GFRA1: variants seen among roughly 807,000 people sequenced by gnomAD.
GFRA1 encodes GDNF family receptor alpha-1.
GFRA1 carries 16 observed loss-of-function variants against 51.6 expected under a neutral mutation model. That is an observed-to-expected ratio of 0.31 (90% CI 0.21 to 0.47). GFRA1 has a LOEUF of 0.47. Ranked by LOEUF, GFRA1 falls within the 20% of genes least tolerant of loss-of-function variation. The pLI is 1.00. For missense variants in GFRA1, 530 were observed against 594.3 expected, an observed-to-expected ratio of 0.89 and a Z score of 1.13; for synonymous variants, 270 against 241.3, an observed-to-expected ratio of 1.12 and a Z score of -1.10.
At chr10:116,198,212 T>C (rs1213448585) in intron 5 of GFRA1, among the ~76,000 whole-genome samples, 1 of 150,074 alleles carries the variant, frequency 6.7e-6, no homozygotes, top group Non-Finnish European at 1.5e-5. Flanking sequence ...TACAGGTGGT[T>C]TCCTGATGCA....
At chr10:116,086,504 A>T (rs1311741229) in intron 9 of GFRA1, among the ~76,000 whole-genome samples, 1 of 152,228 alleles carries the variant, frequency 6.6e-6, no homozygotes. Context: ...CATACTGGTG[A>T]GGACAAGAGC....
intron 9 of GFRA1, among the ~76,000 whole-genome samples, chr10:116,087,465 T>A (rs907125899): frequency 6.6e-6 from 1 of 152,220 alleles, no homozygotes; most frequent in African/African-American, 2.4e-5. Flanking sequence ...AAGGCAACTT[T>A]TGTTTTTGAA....
chr10:116,109,520 G>A (rs900893950), intron 6 of GFRA1, among the ~76,000 whole-genome samples: 7 of 152,234 alleles, frequency 4.6e-5, no homozygotes, highest in African/African-American at 1.7e-4. Context: ...ACAGCTAGGA[G>A]GGGAAATCAT....
chr10:116,122,753 T>C (rs1373070212), intron 6 of GFRA1, among the ~76,000 whole-genome samples: 1 of 152,066 alleles, frequency 6.6e-6, no homozygotes, highest in Admixed American at 6.5e-5. Context: ...AAGGAAAGGC[T>C]CCATCACCAC....
intron 5 of GFRA1, among the ~76,000 whole-genome samples, chr10:116,188,135 G>A (rs1446067372): frequency 6.6e-6 from 1 of 152,118 alleles, no homozygotes; most frequent in Non-Finnish European, 1.5e-5. Context: ...CAGTAGAAGA[G>A]GGAAGCGGAC....
At chr10:116,178,478 A>T (rs1961874879) in intron 5 of GFRA1, among the ~76,000 whole-genome samples, 3 of 152,244 alleles carry the variant, frequency 2.0e-5, no homozygotes, top group Admixed American at 2.0e-4. Context: ...GTACTCGGCG[A>T]GTGTACCACT....
intron 5 of GFRA1, among the ~76,000 whole-genome samples, chr10:116,193,982 T>C (rs1484316560): frequency 6.8e-6 from 1 of 148,146 alleles, no homozygotes; most frequent in East Asian, 2.0e-4. Flanking sequence ...GAGCTTGCAG[T>C]GAGCCGAGAT....
chr10:116,093,755 T>A lies in GFRA1; in HGVS notation c.962A>T (p.Asp321Val). 1 of 1,613,652 alleles carries A rather than the reference T, an allele frequency of 6.2e-7. No homozygotes were observed. The highest frequency in any genetic ancestry group is 1.7e-4 in the Middle Eastern group (1 of 6,060). ...PWCDCSNSGN[D>V]LEECLKFLNF... ...CAAAAATTTCAAGCACTCTTCTAGG[T>A]CGTTCCCACTGTTGCTGCAGTCACA... Residue 321 changes from aspartate to valine, a missense_variant, in exon 8 of 11, where the codon GAC (aspartate) becomes GTC (valine). Physicochemically the swap from Asp to Val is radical, Grantham distance 152 (BLOSUM62 -3). Transcript: ENST00000355422.
chr10:116,254,342 A>C (rs1200992957), intron 4 of GFRA1, among the ~76,000 whole-genome samples: 9 of 150,668 alleles, frequency 6.0e-5, no homozygotes, highest in Admixed American at 2.7e-4. Flanking sequence ...AAAAGAAAGA[A>C]AGAAAGAAAA....
chr10:116,075,332 G>T (rs1295512224), intron 9 of GFRA1, among the ~76,000 whole-genome samples: 1 of 152,122 alleles, frequency 6.6e-6, no homozygotes, highest in Admixed American at 6.5e-5. Context: ...TGAATTTTGG[G>T]GTAAAGGTCA....
At chr10:116,174,408 T>C (rs1414051491) in intron 5 of GFRA1, among the ~76,000 whole-genome samples, 1 of 152,228 alleles carries the variant, frequency 6.6e-6, no homozygotes, top group African/African-American at 2.4e-5. Context: ...TAAATTTTAG[T>C]CACGAGAATC....
At chr10:116,257,951 T>G (rs575178918) in intron 4 of GFRA1, among the ~76,000 whole-genome samples, 2 of 152,202 alleles carry the variant, frequency 1.3e-5, no homozygotes, top group East Asian at 3.9e-4. Flanking sequence ...CCTGGAATGC[T>G]CTCCCCATTC....
intron 6 of GFRA1, among the ~76,000 whole-genome samples, chr10:116,108,178 G>A (rs1011811394): frequency 2.0e-5 from 3 of 152,128 alleles, no homozygotes; most frequent in African/African-American, 7.2e-5. Flanking sequence ...TAGGCTTGCA[G>A]ACTTCCTAAG....
At chr10:116,257,917 C>A (rs1347423584) in intron 4 of GFRA1, among the ~76,000 whole-genome samples, 3 of 152,192 alleles carry the variant, frequency 2.0e-5, no homozygotes, top group African/African-American at 7.2e-5. Context: ...ACACACTGTG[C>A]CTTTGCCCAG....
chr10:116,090,341 T>C (rs903836157), intron 8 of GFRA1, among the ~76,000 whole-genome samples: 1 of 151,632 alleles, frequency 6.6e-6, no homozygotes, highest in Non-Finnish European at 1.5e-5. Flanking sequence ...GGAAACTAAT[T>C]AGTGCTTTTT....
intron 6 of GFRA1, among the ~76,000 whole-genome samples, chr10:116,098,997 G>A (rs960813937): frequency 3.9e-5 from 6 of 152,174 alleles, no homozygotes; most frequent in Non-Finnish European, 5.9e-5. Flanking sequence ...AGAGAGTTTT[G>A]ATGTAAGGGT....
chr10:116,171,170 GCC>G (rs1455542933), intron 5 of GFRA1, among the ~76,000 whole-genome samples: 1 of 152,144 alleles, frequency 6.6e-6, no homozygotes, highest in Non-Finnish European at 1.5e-5. Context: ...AGCAAAACCT[GCC>G]CTGGATTATG....
intron 5 of GFRA1, among the ~76,000 whole-genome samples, chr10:116,181,703 T>A (rs1962241195): frequency 6.6e-6 from 1 of 152,124 alleles, no homozygotes; most frequent in Admixed American, 6.5e-5. Flanking sequence ...GGTGGCATGA[T>A]CTCGGCTCAC....
intron 4 of GFRA1, among the ~76,000 whole-genome samples, chr10:116,245,045 G>T (rs1307169014): frequency 6.6e-6 from 1 of 152,078 alleles, no homozygotes; most frequent in African/African-American, 2.4e-5. Context: ...GCTGGCAGTT[G>T]AATAATATTG....
Sources: allele counts gnomAD v4.1 joint callset (sites outside exome capture counted in the v4.1 genomes callset), GRCh38; gene constraint gnomAD v4.1.1; transcripts MANE v1.5; gene names NCBI Gene and HGNC (gene_info 2026-07-23, HGNC 2026-07-21).